Variants in VAT1L observed in about 807,000 individuals in gnomAD.
The protein encoded by VAT1L is vesicle amine transport 1 like.
In VAT1L, 34 loss-of-function variants were observed where a neutral mutation model predicts 44.1. The observed-to-expected ratio is 0.77, with a 90% confidence interval of 0.59 to 1.03. The LOEUF (loss-of-function observed/expected upper bound fraction) is 1.03. VAT1L is among the 50% of genes least tolerant of loss of function. VAT1L has a pLI of 0.00. For synonymous variants in VAT1L, 253 were observed against 202.2 expected, an observed-to-expected ratio of 1.25 and a Z score of -2.13; for missense variants, 615 against 538.8, an observed-to-expected ratio of 1.14 and a Z score of -1.40.
intron 3 of VAT1L, among the ~76,000 whole-genome samples, chr16:77,853,843 G>C (rs1042867746): frequency 6.6e-6 from 1 of 151,918 alleles, no homozygotes; most frequent in Admixed American, 6.6e-5. Context: ...TTCTTTTGGG[G>C]ATTAAAAAAA....
At chr16:77,794,515 A>T (rs2015892996) in intron 1 of VAT1L, among the ~76,000 whole-genome samples, 1 of 152,232 alleles carries the variant, frequency 6.6e-6, no homozygotes, top group African/African-American at 2.4e-5. Context: ...GGCCATTGCT[A>T]CATTGGCAAA....
At chr16:77,931,304 A>C (rs2017728782) in intron 7 of VAT1L, among the ~76,000 whole-genome samples, 1 of 152,216 alleles carries the variant, frequency 6.6e-6, no homozygotes, top group South Asian at 2.1e-4. Flanking sequence ...CTTTAACTGT[A>C]TTAGTAGCTC....
chr16:77,890,530 A>C (rs1253562596), intron 7 of VAT1L, among the ~76,000 whole-genome samples: 1 of 152,186 alleles, frequency 6.6e-6, no homozygotes, highest in Non-Finnish European at 1.5e-5. Flanking sequence ...ACTTAGATAC[A>C]GCTGTGGTCT....
At chr16:77,948,459 C>G (rs138650788) in intron 7 of VAT1L, among the ~76,000 whole-genome samples, 1 of 152,248 alleles carries the variant, frequency 6.6e-6, no homozygotes. Context: ...CACAGTTGAG[C>G]ATTTGAGTGC....
chr16:77,972,442 T>G (rs1320181247), intron 8 of VAT1L, among the ~76,000 whole-genome samples: 1 of 152,132 alleles, frequency 6.6e-6, no homozygotes, highest in Non-Finnish European at 1.5e-5. Context: ...CTCAGCCTCT[T>G]GAGCAGCTGA....
intron 4 of VAT1L, among the ~76,000 whole-genome samples, chr16:77,867,574 A>T (rs982936695): frequency 1.3e-5 from 2 of 152,186 alleles, no homozygotes; most frequent in African/African-American, 4.8e-5. Context: ...AATATATTTA[A>T]GGCCAGGCTT....
At chr16:77,841,845 A>C (rs1430651478) in intron 3 of VAT1L, among the ~76,000 whole-genome samples, 1 of 152,022 alleles carries the variant, frequency 6.6e-6, no homozygotes, top group African/African-American at 2.4e-5. Context: ...GTGGTGTCTA[A>C]GCCTTTATCC....
chr16:77,958,988 C>T (rs1009396265), intron 7 of VAT1L, among the ~76,000 whole-genome samples: 2 of 152,272 alleles, frequency 1.3e-5, no homozygotes, highest in South Asian at 2.1e-4. Flanking sequence ...ACCATTCTTG[C>T]AGGACCAAGA....
At chr16:77,898,752 C>T (rs1390294430) in intron 7 of VAT1L, among the ~76,000 whole-genome samples, 3 of 152,224 alleles carry the variant, frequency 2.0e-5, no homozygotes, top group Non-Finnish European at 2.9e-5. Flanking sequence ...TGATGTGCTA[C>T]TGCTGTGCTG....
chr16:77,839,535 CAAAAAAAAAAAAAAAAAAAAAAA>C lies in VAT1L; in HGVS notation c.579+14087_579+14109del, dbSNP rs71137846. Among the ~76,000 whole-genome samples the C allele has an allele frequency of 1.9e-3, 95 of 49,104 alleles. 1 individual carries two copies. The Middle Eastern group carries it at 0.075, about 39-fold the overall frequency. 32.2% of individuals were successfully genotyped at this position (49,104 alleles called of 152,430 possible). On this transcript the variant is annotated intron_variant, in intron 3 of 8. Transcript: ENST00000302536. ...TGGGCGACAGAGAGATACTCCATAT[CAAAAAAAAAAAAAAAAAAAAAAA>C]AAAAAAAAAAAAGAATGGGCAAGAA...
chr16:77,920,949 A>G lies in VAT1L; in HGVS notation c.1077+36147A>G, dbSNP rs545097076. Reference sequence around the variant, plus strand: ...TGACTGTGTGTGTGTGTGTGTGTGTAGTGTGTATGTGCATATATACACACA... The same window carrying G: ...TGACTGTGTGTGTGTGTGTGTGTGTGGTGTGTATGTGCATATATACACACA... On this transcript the variant is annotated intron_variant, in intron 7 of 8. Transcript: ENST00000302536. Among the ~76,000 whole-genome samples the G allele has an allele frequency of 2.1e-5, 3 of 143,712 alleles. No individual in the cohort carries two copies. The East Asian group carries it at 6.5e-4, about 31-fold the overall frequency. 94.3% of individuals were successfully genotyped at this position (143,712 alleles called of 152,430 possible).
chr16:77,845,474 C>A (rs76815540), intron 3 of VAT1L, among the ~76,000 whole-genome samples: 4 of 152,122 alleles, frequency 2.6e-5, no homozygotes, highest in East Asian at 1.9e-4. Flanking sequence ...CTCCCTTCCC[C>A]GCCTCACCAC....
chr16:77,831,981 A>AT (rs1420957026), intron 3 of VAT1L, among the ~76,000 whole-genome samples: 2 of 35,960 alleles, frequency 5.6e-5, no homozygotes, highest in African/African-American at 2.3e-4. Context: ...ATGCCCGGCT[A>AT]ATTTTTTTTT....
chr16:77,821,279 G>T (rs1464460878), intron 2 of VAT1L, among the ~76,000 whole-genome samples: 1 of 151,780 alleles, frequency 6.6e-6, no homozygotes, highest in African/African-American at 2.4e-5. Context: ...GGAATTAGGT[G>T]GACTTTTGTT....
chr16:77,804,947 G>C (rs2016129307), intron 1 of VAT1L, among the ~76,000 whole-genome samples: 1 of 152,126 alleles, frequency 6.6e-6, no homozygotes, highest in Admixed American at 6.6e-5. Flanking sequence ...AGATGGGTCG[G>C]AAAACTCCGT....
intron 6 of VAT1L, among the ~76,000 whole-genome samples, chr16:77,883,617 C>G (rs28541391): frequency 6.6e-6 from 1 of 152,138 alleles, no homozygotes; most frequent in Non-Finnish European, 1.5e-5. Flanking sequence ...CACCACCTCC[C>G]GCTTCAGTCA....
chr16:77,946,511 T>C (rs1349394011), intron 7 of VAT1L, among the ~76,000 whole-genome samples: 1 of 151,918 alleles, frequency 6.6e-6, no homozygotes, highest in Non-Finnish European at 1.5e-5. Flanking sequence ...CTCGATCTCC[T>C]GACTTCGTGA....
chr16:77,821,275 A>G (rs984768615), intron 2 of VAT1L, among the ~76,000 whole-genome samples: 1 of 151,518 alleles, frequency 6.6e-6, no homozygotes, highest in Non-Finnish European at 1.5e-5. Flanking sequence ...ATAAGGAATT[A>G]GGTGGACTTT....
chr16:77,977,489 C>A, intron 8 of VAT1L, 108 bp from the exon 9 acceptor site: 1 of 1,105,270 alleles, frequency 9.0e-7, no homozygotes, highest in Non-Finnish European at 1.3e-6. Context: ...AAACAAGCAA[C>A]CCTAGTTCCT....
Sources: allele counts gnomAD v4.1 joint callset (sites outside exome capture counted in the v4.1 genomes callset), GRCh38; gene constraint gnomAD v4.1.1; transcripts MANE v1.5; gene names NCBI Gene and HGNC (gene_info 2026-07-23, HGNC 2026-07-21).